The following ZNF85 variants were observed in gnomAD, a reference collection of about 807,000 sequenced individuals.
ZNF85 encodes zinc finger protein 85, also known as zinc finger protein 85 (HPF4, HTF1).
ZNF85 carries 50 observed loss-of-function variants against 53.9 expected under a neutral mutation model. The ratio of observed to expected loss-of-function variants is 0.93; its 90% CI spans 0.74 to 1.17. The LOEUF is 1.17. Ranked by LOEUF, ZNF85 falls within the 50% of genes most tolerant of loss-of-function variation. The pLI, the probability that ZNF85 is intolerant of heterozygous loss-of-function variation, is 0.00. For synonymous variants in ZNF85, 225 were observed against 226.1 expected (o/e 1.00, Z 0.04); for missense variants, 747 against 688.5 (o/e 1.08, Z -0.95).
chr19:20,949,282 A>AC lies in ZNF85; in HGVS notation c.771dup (p.Tyr258LeufsTer4), dbSNP rs1973505247. On this transcript the variant is annotated frameshift_variant, in exon 4 of 4. Transcript: ENST00000328178. LOFTEE classifies it high-confidence loss of function. ...ATAAGAAAATTCATACTGGAGAGAA[A>AC]CCCTACAAATGTGAAGAATGTGGCA... 1 of 1,612,666 alleles carries AC rather than the reference A, an allele frequency of 6.2e-7. No individual in the cohort carries two copies. Among genetic ancestry groups the AC allele is most frequent in the African/African-American group, 1.3e-5 (1 of 74,902 alleles).
intron 3 of ZNF85, among the ~76,000 whole-genome samples, chr19:20,939,579 TTG>T (rs1378206227): frequency 6.6e-6 from 1 of 151,924 alleles, no homozygotes; most frequent in Non-Finnish European, 1.5e-5. Flanking sequence ...CATCAGTTTA[TTG>T]TGTTTTTTGC....
chr19:20,923,483 G>T, intron 1 of ZNF85, 80 bp downstream of exon 1: 1 of 1,607,000 alleles, frequency 6.2e-7, no homozygotes, highest in South Asian at 1.1e-5. Flanking sequence ...CGGGACTCAG[G>T]CCTCCCTGTA....
chr19:20,950,185 G>A lies in ZNF85; in HGVS notation c.1671G>A (p.Lys557=), dbSNP rs1250383644. The part of the protein sequence containing the change: ...FNQSSNLTKH[K]RIHTGEKPYK... ...AGTCCTCAAACCTTACTAAACATAA[G>A]AGAATTCATACTGGAGAAAAACCTT... The change falls in exon 4 of 4, where the codon AAG becomes AAA. Residue 557 remains lysine, a synonymous_variant. Transcript: ENST00000328178. 13 of 1,613,024 alleles carry A rather than the reference G, an allele frequency of 8.1e-6. No individual in the cohort carries two copies. The highest frequency in any genetic ancestry group is 1.6e-4 in the Middle Eastern group (1 of 6,068).
chr19:20,935,172 T>C, intron 3 of ZNF85, 125 bp downstream of exon 3: 1 of 584,792 alleles, frequency 1.7e-6, no homozygotes, highest in South Asian at 3.0e-5. Context: ...CTCAGAAGCC[T>C]GAGGTTTCTT....
intron 1 of ZNF85, among the ~76,000 whole-genome samples, chr19:20,932,185 G>C (rs548579431): frequency 3.2e-4 from 49 of 152,192 alleles, no homozygotes; most frequent in Non-Finnish European, 6.3e-4. Context: ...ATCTCATCTG[G>C]AAAGGATTCC....
intron 3 of ZNF85, among the ~76,000 whole-genome samples, chr19:20,940,567 T>C (rs1264851540): frequency 6.6e-6 from 1 of 152,058 alleles, no homozygotes; most frequent in Non-Finnish European, 1.5e-5. Context: ...ATTTCAGGAA[T>C]GTTAAGTATA....
rs1269597523 is a variant in ZNF85 at position 20,949,439 on chromosome 19, A to G, written c.925A>G (p.Thr309Ala). The G allele has an allele frequency of 7.4e-6, 12 of 1,610,752 alleles. No homozygotes were observed. The highest frequency in any genetic ancestry group is 1.7e-5 in the Admixed American group (1 of 59,860). ...STLTTHRKIH[T>A]GEKPYKCEEC... is the part of the protein sequence containing the mutation. ...CCTTACTACCCATAGAAAAATTCAT[A>G]CTGGAGAGAAACCTTACAAATGTGA... Residue 309 changes from threonine to alanine, a missense_variant, in exon 4 of 4, where the codon ACT (threonine) becomes GCT (alanine). Physicochemically the swap from Thr to Ala is moderately conservative, Grantham distance 58 (BLOSUM62 0). Coordinates refer to ENST00000328178, the MANE Select transcript of ZNF85 (RefSeq NM_003429.5).
chr19:20,924,416 T>G (rs1000982159), intron 1 of ZNF85, among the ~76,000 whole-genome samples: 5 of 152,188 alleles, frequency 3.3e-5, no homozygotes, highest in Admixed American at 6.5e-5. Context: ...AGTTAGATTT[T>G]TTTAAAAAGG....
intron 3 of ZNF85, among the ~76,000 whole-genome samples, chr19:20,947,488 CTTTTTTT>C (rs768097517): frequency 0.021 from 1,083 of 51,632 alleles, 4 homozygotes; most frequent in South Asian, 0.06. Flanking sequence ...TGCCAATACA[CTTTTTTT>C]TTTTTTTTTT....
At chr19:20,929,759 CT>C (rs1972964802) in intron 1 of ZNF85, among the ~76,000 whole-genome samples, 20 of 143,340 alleles carry the variant, frequency 1.4e-4, no homozygotes, top group East Asian at 4.2e-4. Context: ...TAGATTTAAC[CT>C]ATTTGGAGGC....
At chr19:20,939,690 A>G (rs1027215650) in intron 3 of ZNF85, among the ~76,000 whole-genome samples, 1 of 152,156 alleles carries the variant, frequency 6.6e-6, no homozygotes, top group East Asian at 1.9e-4. Context: ...CCATATGTCT[A>G]TAACAATCTG....
chr19:20,935,011 A>C lies in ZNF85; in HGVS notation c.193A>C (p.Met65Leu), dbSNP rs770709900. ...GGAGCAAGGGAAAGAGGCCTGGAGTATGAAGAGACATGAGATCATGGTGGC... is the reference window on the plus strand; with the variant it reads ...GGAGCAAGGGAAAGAGGCCTGGAGTCTGAAGAGACATGAGATCATGGTGGC... ...CLEQGKEAWSMKRHEIMVAKP... is the reference protein window; with the variant it reads ...CLEQGKEAWSLKRHEIMVAKP... The change falls in exon 3 of 4, where the codon ATG becomes CTG. Residue 65 changes from methionine (M) to leucine (L), a missense_variant. Met to Leu is a conservative substitution (Grantham distance 15, BLOSUM62 2). Coordinates refer to ENST00000328178, the MANE Select transcript of ZNF85 (RefSeq NM_003429.5). 1 of 1,611,622 alleles carries C rather than the reference A, an allele frequency of 6.2e-7. No individual in the cohort carries two copies. The highest frequency in any genetic ancestry group is 2.2e-5 in the East Asian group (1 of 44,800).
chr19:20,929,059 C>T (rs181903764), intron 1 of ZNF85, among the ~76,000 whole-genome samples: 1 of 151,552 alleles, frequency 6.6e-6, no homozygotes, highest in African/African-American at 2.4e-5. Flanking sequence ...GCCTCAGTGT[C>T]TGTTGTTTCT....
At chr19:20,947,709 G>T (rs12611073) in intron 3 of ZNF85, among the ~76,000 whole-genome samples, 2 of 150,550 alleles carry the variant, frequency 1.3e-5, no homozygotes, top group Non-Finnish European at 3.0e-5. Context: ...ATATCTTTGT[G>T]TGTATTCTAG....
chr19:20,936,168 G>GA (rs1973153938), intron 3 of ZNF85, among the ~76,000 whole-genome samples: 4 of 152,056 alleles, frequency 2.6e-5, no homozygotes, highest in African/African-American at 7.2e-5. Flanking sequence ...CTAATTTACT[G>GA]GGTGTATTTA....
chr19:20,923,546 C>T, intron 1 of ZNF85, 143 bp downstream of exon 1: 1 of 1,390,184 alleles, frequency 7.2e-7, no homozygotes, highest in Non-Finnish European at 9.9e-7. Flanking sequence ...GGCCCCAGTT[C>T]CTCCAGCCAT....
chr19:20,933,957 A>G lies in ZNF85; in HGVS notation c.4-67A>G, dbSNP rs978909918. On this transcript the variant is annotated intron_variant, in intron 1 of 3. Coordinates refer to ENST00000328178, the MANE Select transcript of ZNF85 (RefSeq NM_003429.5). ...TGCTTTTCATAACCAGTTGGTAATT[A>G]TGTGTGTGTGTGTGTGTGTGTGTGT... 2.6e-5 allele frequency: 30 copies of G among 1,158,578 alleles called. No homozygotes were observed. In the Admixed American group the frequency reaches 3.0e-4, roughly 12 times the overall value. 71.8% of individuals were successfully genotyped at this position (1,158,578 alleles called of 1,614,324 possible).
chr19:20,933,141 T>C (rs145169673), intron 1 of ZNF85, among the ~76,000 whole-genome samples: 4,563 of 147,044 alleles, frequency 0.031, 222 homozygotes, highest in African/African-American at 0.11. Flanking sequence ...TGCAGTGAGC[T>C]GAGATTGCAC....
intron 3 of ZNF85, chr19:20,942,708 A>T: frequency 1.7e-6 from 1 of 601,220 alleles, no homozygotes; most frequent in Admixed American, 2.7e-5. Context: ...TTTAATTCCT[A>T]GTTGCATTCA....
Sources: allele counts gnomAD v4.1 joint callset (sites outside exome capture counted in the v4.1 genomes callset), GRCh38; gene constraint gnomAD v4.1.1; transcripts MANE v1.5; gene names NCBI Gene and HGNC (gene_info 2026-07-23, HGNC 2026-07-21).